The following AMPH variants were observed in gnomAD, a reference collection of about 807,000 sequenced individuals.
AMPH encodes amphiphysin (Stiff-Mann syndrome with breast cancer 128kD autoantigen).
Under a neutral mutation model 99.1 loss-of-function variants are expected in AMPH, and 49 were observed. That is an observed-to-expected ratio of 0.49 (90% CI 0.39 to 0.63). The LOEUF (loss-of-function observed/expected upper bound fraction) is 0.63. AMPH is among the 20% of genes least tolerant of loss of function. AMPH has a pLI of 0.00. For missense variants in AMPH, 759 were observed against 863.4 expected, an observed-to-expected ratio of 0.88 and a Z score of 1.52; for synonymous variants, 314 against 317.3, an observed-to-expected ratio of 0.99 and a Z score of 0.11.
intron 1 of AMPH, among the ~76,000 whole-genome samples, chr7:38,564,475 G>C (rs1307184580): frequency 6.6e-6 from 1 of 152,194 alleles, no homozygotes; most frequent in Non-Finnish European, 1.5e-5. Context: ...GCACAGGTGA[G>C]AAGAGAAGGT....
At chr7:38,469,081 G>A (rs1279827763) in intron 7 of AMPH, among the ~76,000 whole-genome samples, 2 of 68,742 alleles carry the variant, frequency 2.9e-5, no homozygotes, top group Non-Finnish European at 5.2e-5. Context: ...GTGAACCCGG[G>A]AGGCGGAGCT....
intron 5 of AMPH, among the ~76,000 whole-genome samples, chr7:38,482,615 C>T (rs1020692223): frequency 2.0e-5 from 3 of 152,030 alleles, no homozygotes; most frequent in African/African-American, 7.2e-5. Flanking sequence ...AAGATCTTCC[C>T]ATTTTATTAA....
At chr7:38,595,849 A>AGGGTATT (rs1330314107) in intron 1 of AMPH, among the ~76,000 whole-genome samples, 1 of 152,216 alleles carries the variant, frequency 6.6e-6, no homozygotes, top group Non-Finnish European at 1.5e-5. Flanking sequence ...TAATCCCTTT[A>AGGGTATT]GGGTATTGGC....
At chr7:38,480,413 A>G (rs34226514) in intron 5 of AMPH, among the ~76,000 whole-genome samples, 43,884 of 151,756 alleles carry the variant, frequency 0.29, 8,047 homozygotes, top group Non-Finnish European at 0.42. Context: ...ACCTCATCCA[A>G]TCTCATCCCT....
chr7:38,486,674 C>T (rs781529006), intron 5 of AMPH, among the ~76,000 whole-genome samples: 24 of 151,880 alleles, frequency 1.6e-4, no homozygotes, highest in Non-Finnish European at 2.9e-4. Context: ...TGCAAAAAAC[C>T]GCTACAAAAT....
chr7:38,506,206 T>C (rs546996123), intron 2 of AMPH, among the ~76,000 whole-genome samples: 1 of 152,188 alleles, frequency 6.6e-6, no homozygotes. Flanking sequence ...TACCATGGCA[T>C]AACCTAGCCC....
intron 2 of AMPH, among the ~76,000 whole-genome samples, chr7:38,514,327 A>T (rs2129031620): frequency 6.6e-6 from 1 of 152,366 alleles, no homozygotes. Context: ...ACATGATATC[A>T]TCTATCAAAT....
intron 1 of AMPH, among the ~76,000 whole-genome samples, chr7:38,619,767 A>C (rs1022536035): frequency 6.6e-6 from 1 of 152,236 alleles, no homozygotes; most frequent in Non-Finnish European, 1.5e-5. Flanking sequence ...ACAAGGACTT[A>C]GGTCTCAACC....
chr7:38,443,093 T>C (rs896534887), intron 11 of AMPH, among the ~76,000 whole-genome samples: 5 of 152,096 alleles, frequency 3.3e-5, no homozygotes, highest in Admixed American at 1.3e-4. Flanking sequence ...GATGAACCAC[T>C]GTACTCCAAA....
rs780857451 is a variant in AMPH at position 38,587,949 on chromosome 7, T to TGCGC, written c.69+43330_69+43333dup. 3.2e-3 allele frequency among the ~76,000 whole-genome samples: 472 copies of TGCGC among 146,176 alleles called. 4 individuals carry two copies. Among genetic ancestry groups the TGCGC allele is most frequent in the African/African-American group, 0.011 (425 of 39,280 alleles). ...GTGTGTGTGTGTGTGTGTGTGTGTG[T>TGCGC]GCGCGTGTGTGTGTGAGAGAGAGAT... On this transcript the variant is annotated intron_variant, in intron 1 of 20. Transcript: ENST00000356264.
In AMPH at chr7:38,384,309, C is replaced by CAT. The variant is rs1315141650; in HGVS notation, c.*507_*508dup. 1.2e-4 allele frequency: 19 copies of CAT among 154,890 alleles called. No individual in the cohort carries two copies. The highest frequency in any genetic ancestry group is 2.0e-4 in the South Asian group (1 of 5,120). The allele number at this position is 154,890 out of a possible 1,614,324, so 9.6% of individuals were successfully genotyped here. A position where few individuals can be genotyped will look rare whatever the true frequency, so the allele number is the denominator to read the frequency against. On this transcript the variant is annotated 3_prime_UTR_variant, in exon 21 of 21. Transcript: ENST00000356264. ...GAACTAGCTTGCGTGACTGTGTGTC[C>CAT]ATATATATATAGATGTGTTGGAAAA... is the stretch of plus-strand genomic sequence containing the variant.
intron 20 of AMPH, among the ~76,000 whole-genome samples, chr7:38,386,309 TC>T (rs1784347538): frequency 6.6e-6 from 1 of 152,074 alleles, no homozygotes; most frequent in Admixed American, 6.6e-5. Context: ...AGGTCATTTT[TC>T]CCCCACAAGT....
At chr7:38,431,474 G>A (rs996005803) in intron 13 of AMPH, among the ~76,000 whole-genome samples, 11 of 152,112 alleles carry the variant, frequency 7.2e-5, no homozygotes, top group Admixed American at 2.6e-4. Context: ...TGGCTAACAC[G>A]GTGAAACCCC....
intron 1 of AMPH, among the ~76,000 whole-genome samples, chr7:38,589,116 T>C (rs17498724): frequency 0.14 from 21,756 of 152,216 alleles, 1,862 homozygotes; most frequent in Non-Finnish European, 0.2. Flanking sequence ...CAATTTCAAC[T>C]AATAAATTTA....
At chr7:38,603,136 C>CA (rs1200053682) in intron 1 of AMPH, among the ~76,000 whole-genome samples, 1 of 151,658 alleles carries the variant, frequency 6.6e-6, no homozygotes, top group African/African-American at 2.4e-5. Flanking sequence ...GGCAACATGG[C>CA]GAAACCCCAT....
chr7:38,549,432 T>A (rs1379828995), intron 1 of AMPH, among the ~76,000 whole-genome samples: 4 of 152,158 alleles, frequency 2.6e-5, no homozygotes, highest in Non-Finnish European at 5.9e-5. Flanking sequence ...AAACAATTTT[T>A]GGGAAAAAGG....
At chr7:38,507,734 G>A (rs906553954) in intron 2 of AMPH, among the ~76,000 whole-genome samples, 2 of 152,190 alleles carry the variant, frequency 1.3e-5, no homozygotes, top group African/African-American at 2.4e-5. Context: ...TTATATGCCT[G>A]TATTTTCCCT....
At chr7:38,491,263 C>T (rs1051757256) in intron 4 of AMPH, 118 bp from the exon 5 acceptor site, 16 of 682,946 alleles carry the variant, frequency 2.3e-5, no homozygotes, top group South Asian at 2.0e-4. Context: ...ATATGAGATG[C>T]TAGGGGAAAA....
At chr7:38,525,715 T>C (rs1398607637) in intron 2 of AMPH, among the ~76,000 whole-genome samples, 2 of 152,148 alleles carry the variant, frequency 1.3e-5, no homozygotes, top group African/African-American at 2.4e-5. Context: ...CCTTTTAGAA[T>C]TGGATTTTTT....
Sources: allele counts gnomAD v4.1 joint callset (sites outside exome capture counted in the v4.1 genomes callset), GRCh38; gene constraint gnomAD v4.1.1; transcripts MANE v1.5; gene names NCBI Gene and HGNC (gene_info 2026-07-23, HGNC 2026-07-21).